The following HLA-F variants were observed in gnomAD, a reference collection of about 807,000 sequenced individuals.
HLA-F encodes the protein HLA class I histocompatibility antigen, alpha chain F.
A neutral mutation model predicts 49.5 loss-of-function variants in HLA-F; 46 were observed. The ratio of observed to expected loss-of-function variants is 0.93; its 90% confidence interval spans 0.73 to 1.19. The LOEUF is 1.19. Among genes scored for constraint, HLA-F ranks in the 50% most tolerant of loss-of-function variants. The probability of loss-of-function intolerance (pLI) is 0.00; values close to 1 mark genes in which losing one functional copy is unlikely to be tolerated. For synonymous variants in HLA-F, 203 were observed against 233.5 expected (o/e 0.87, Z 1.19); for missense variants, 496 against 579.6 (o/e 0.86, Z 1.48).
chr6:29,729,960 G>A, downstream of HLA-F, among the ~76,000 whole-genome samples: 1 of 152,194 alleles, frequency 6.6e-6, no homozygotes, highest in East Asian at 1.9e-4. Flanking sequence ...GTACACTGCT[G>A]GTGAGAGTGT....
chr6:29,725,531 T>C lies in HLA-F; in HGVS notation c.971T>C (p.Val324Ala). The C allele has an allele frequency of 6.2e-7, 1 of 1,614,108 alleles. No individual in the cohort carries two copies. Among genetic ancestry groups the C allele is most frequent in the Non-Finnish European group, 8.5e-7 (1 of 1,179,978 alleles). The change falls in exon 5 of 7, where the codon GTC becomes GCC. Residue 324 changes from valine to alanine, a missense_variant. Physicochemically the swap from Val to Ala is moderately conservative, Grantham distance 64 (BLOSUM62 0). Transcript: ENST00000259951. ...VLGAVVTGAV[V>A]AAVMWRKKSS... is the part of the protein sequence containing the mutation. ...GGAGCTGTGGTCACTGGAGCTGTGG[T>C]CGCTGCTGTGATGTGGAGGAAGAAG... is the stretch of plus-strand genomic sequence containing the variant.
intron 6 of HLA-F, 107 bp from the exon 7 acceptor site, chr6:29,726,776 C>T: frequency 2.3e-6 from 3 of 1,322,538 alleles, no homozygotes; most frequent in Non-Finnish European, 3.2e-6. Context: ...TTGACTTTGG[C>T]CACATCAATG....
intron 3 of HLA-F, chr6:29,738,047 T>A (rs1736910): frequency 6.6e-6 from 1 of 152,144 alleles, no homozygotes; most frequent in East Asian, 1.9e-4. Flanking sequence ...ACGGGGACAG[T>A]GATCTCTCCA....
rs905876901 is a variant in HLA-F at position 29,725,175 on chromosome 6, T to C, written c.755T>C (p.Val252Ala). 4 of 1,613,960 alleles carry C rather than the reference T, an allele frequency of 2.5e-6. No homozygotes were observed. Among genetic ancestry groups the C allele is most frequent in the African/African-American group, 1.3e-5 (1 of 74,914 alleles). ...GAACAGACCCAGGACACAGAGCTTG[T>C]GGAGACCAGGCCTGCAGGGGATGGA... ...GEEQTQDTEL[V>A]ETRPAGDGTF... Residue 252 changes from valine to alanine, a missense_variant, in exon 4 of 7, where the codon GTG (valine) becomes GCG (alanine). Transcript: ENST00000259951.
At chr6:29,726,824 G>A (rs1291237353) in intron 6 of HLA-F, 59 bp from the exon 7 acceptor site, 1 of 1,570,626 alleles carries the variant, frequency 6.4e-7, no homozygotes, top group Non-Finnish European at 8.7e-7. Flanking sequence ...TCTGGTGCTT[G>A]TTGGCTTTAA....
At chr6:29,724,927 T>G (rs1023607767) in intron 3 of HLA-F, 104 bp from the exon 4 acceptor site, 87 of 1,330,664 alleles carry the variant, frequency 6.5e-5, no homozygotes, top group Non-Finnish European at 9.0e-5. Flanking sequence ...CTGTGCTCCC[T>G]TCCCCACCCC....
chr6:29,727,761 A>G (rs1198422852), downstream of HLA-F, among the ~76,000 whole-genome samples: 1 of 152,138 alleles, frequency 6.6e-6, no homozygotes, highest in Non-Finnish European at 1.5e-5. Flanking sequence ...TTTAGTGGGT[A>G]TGAGTGTGAT....
At position 29,726,059 on chromosome 6, in the gene HLA-F, C is replaced by T. The variant is rs1776023442; in HGVS notation, c.1036+16C>T. Reference sequence around the variant, plus strand: ...CAGGCTGCAGGTAAGATGAAGGAGGCTGATCCCTGAGATTGTTGGGATATT... The same window carrying T: ...CAGGCTGCAGGTAAGATGAAGGAGGTTGATCCCTGAGATTGTTGGGATATT... On this transcript the variant is annotated intron_variant, in intron 6 of 6. Coordinates refer to ENST00000259951, the MANE Select transcript of HLA-F (RefSeq NM_001098479.2). 6.2e-7 allele frequency: 1 copy of T among 1,611,780 alleles called. No individual in the cohort carries two copies. Among genetic ancestry groups the T allele is most frequent in the Non-Finnish European group, 8.5e-7 (1 of 1,177,954 alleles).
At chr6:29,724,940 G>A in intron 3 of HLA-F, 91 bp from the exon 4 acceptor site, 1 of 1,430,754 alleles carries the variant, frequency 7.0e-7, no homozygotes, top group Non-Finnish European at 9.6e-7. Context: ...CCCACCCCAG[G>A]TGTCCTGTCC....
At chr6:29,726,240 G>C in intron 6 of HLA-F, 197 bp downstream of exon 6, 1 of 952,340 alleles carries the variant, frequency 1.1e-6, no homozygotes, top group Non-Finnish European at 1.7e-6. Flanking sequence ...ACACTCCAGG[G>C]CAGGGGCCCT....
intron 3 of HLA-F, among the ~76,000 whole-genome samples, chr6:29,733,250 A>G (rs193045139): frequency 6.6e-6 from 1 of 152,304 alleles, no homozygotes; most frequent in African/African-American, 2.4e-5. Context: ...GCACCACGCA[A>G]AGGACAGCTC....
rs759750880 is a variant in HLA-F, at chr6:29,725,146, G to A, written c.726G>A (p.Gly242=). ...TCACGCTGACCTGGCAGCGGGATGG[G>A]GAGGAACAGACCCAGGACACAGAGC... The part of the protein sequence containing the change: ...AEITLTWQRD[G]EEQTQDTELV... The change falls in exon 4 of 7, where the codon GGG becomes GGA. Residue 242 remains glycine, a synonymous_variant. Transcript: ENST00000259951. 2 of 1,614,082 alleles carry A rather than the reference G, an allele frequency of 1.2e-6. No individual in the cohort carries two copies. The highest frequency in any genetic ancestry group is 2.2e-5 in the South Asian group (2 of 91,076).
rs17875384 is a variant in HLA-F at position 29,727,000 on chromosome 6, G to A, written c.1154G>A (p.Arg385Gln). ...CGGAGTCACAGTGTCTTGGGCCGCC[G>A]GAAGGTGGGTGACATGTGGATCTTG... ...CLRSHSVLGR[R>Q]KVGDMWILFF... Residue 385 changes from arginine to glutamine, a missense_variant, in exon 7 of 7, where the codon CGG becomes CAG. Physicochemically the swap from Arg to Gln is conservative, Grantham distance 43 (BLOSUM62 1). Transcript: ENST00000259951. 35,927 of 1,613,396 alleles carry A rather than the reference G, an allele frequency of 0.022. 1,000 individuals carry two copies. Among genetic ancestry groups the A allele is most frequent in the African/African-American group, 0.14 (10,344 of 74,994 alleles).
downstream of HLA-F, chr6:29,728,067 G>A (rs1357453625): frequency 5.8e-6 from 3 of 518,904 alleles, no homozygotes. Flanking sequence ...GCCATGACTG[G>A]AGTGAGGAGG....
At chr6:29,731,854 G>A (rs1449382411), downstream of HLA-F, among the ~76,000 whole-genome samples, 4 of 152,096 alleles carry the variant, frequency 2.6e-5, no homozygotes, top group Non-Finnish European at 4.4e-5. Flanking sequence ...CTCTCAGTAA[G>A]TATTTGTTAA....
chr6:29,725,930 G>A, intron 5 of HLA-F, 81 bp from the exon 6 acceptor site: 1 of 1,462,754 alleles, frequency 6.8e-7, no homozygotes, highest in South Asian at 1.2e-5. Flanking sequence ...ACTTCTCTGG[G>A]ATCAAAGACT....
chr6:29,731,251 A>G (rs1257862776), downstream of HLA-F, among the ~76,000 whole-genome samples: 1 of 151,938 alleles, frequency 6.6e-6, no homozygotes, highest in Non-Finnish European at 1.5e-5. Flanking sequence ...ATAGATAGAT[A>G]GATAGATAGA....
chr6:29,733,011 A>C (rs1235276129), intron 3 of HLA-F, among the ~76,000 whole-genome samples: 1 of 152,094 alleles, frequency 6.6e-6, no homozygotes, highest in Non-Finnish European at 1.5e-5. Context: ...AATATGGCAA[A>C]ACCCTGTCTC....
chr6:29,727,921 CT>C (rs11289747), downstream of HLA-F: 127,811 of 516,410 alleles, frequency 0.25, 17,059 homozygotes, highest in South Asian at 0.34. Context: ...CCCCACTCTG[CT>C]TTGTATCTAC....
Sources: gnomAD v4.1 joint callset for allele counts (sites outside exome capture counted in the v4.1 genomes callset) on GRCh38, gnomAD v4.1.1 for gene constraint, MANE v1.5 for transcripts, NCBI Gene and HGNC (gene_info 2026-07-23, HGNC 2026-07-21) for gene names.